STK31: variants seen among roughly 807,000 people sequenced by gnomAD.
STK31 encodes serine/threonine-protein kinase 31.
STK31 carries 89 observed loss-of-function variants against 129.7 expected under a neutral mutation model. The observed-to-expected ratio is 0.69, with a 90% CI of 0.58 to 0.82. STK31 has a LOEUF of 0.82. Ranked by LOEUF, STK31 falls within the 40% of genes least tolerant of loss-of-function variation. STK31 has a pLI of 0.00. For synonymous variants in STK31, 448 were observed against 395.3 expected (o/e 1.13, Z -1.58); for missense variants, 1,187 against 1,176.4 (o/e 1.01, Z -0.13).
rs1791306221 is a variant in STK31, at chr7:23,786,741, T to A, written c.2401-97T>A. On this transcript the variant is annotated intron_variant, in intron 19 of 23. Coordinates refer to ENST00000355870, the MANE Select transcript of STK31 (RefSeq NM_031414.5). ...TTTTAGAGCAGCAGTTCATTCCCCTTAACATAAAAGAAAAATTATCCCATA... is the reference window on the plus strand; with the variant it reads ...TTTTAGAGCAGCAGTTCATTCCCCTAAACATAAAAGAAAAATTATCCCATA... 6.5e-6 allele frequency: 10 copies of A among 1,544,578 alleles called. No individual in the cohort carries two copies. In the Admixed American group the frequency reaches 2.0e-4, roughly 30 times the overall value.
intron 8 of STK31, among the ~76,000 whole-genome samples, chr7:23,750,975 A>G (rs1217489033): frequency 6.6e-6 from 1 of 152,214 alleles, no homozygotes; most frequent in African/African-American, 2.4e-5. Flanking sequence ...TATCCCTTCT[A>G]TCTAACTGCG....
Position 23,787,977 on chromosome 7 carries a change from T to C in STK31, c.2488-3T>C, listed in dbSNP as rs1791401211. 6.5e-7 allele frequency: 1 copy of C among 1,548,456 alleles called. No homozygotes were observed. Among genetic ancestry groups the C allele is most frequent in the Non-Finnish European group, 8.7e-7 (1 of 1,150,972 alleles). On this transcript the variant is annotated splice_region_variant and splice_polypyrimidine_tract_variant and intron_variant, in intron 20 of 23. Coordinates refer to ENST00000355870, the MANE Select transcript of STK31 (RefSeq NM_031414.5). ...CACTTCTTTTATGTGTACTTATCTATAGGAAACTTTAAAGGTCATGAAAGG... is the reference window on the plus strand; with the variant it reads ...CACTTCTTTTATGTGTACTTATCTACAGGAAACTTTAAAGGTCATGAAAGG...
At chr7:23,798,999 C>A (rs1463451306) in intron 22 of STK31, among the ~76,000 whole-genome samples, 3 of 152,112 alleles carry the variant, frequency 2.0e-5, no homozygotes, top group Non-Finnish European at 4.4e-5. Flanking sequence ...ACAATTGCTA[C>A]AAAGAGAGTA....
intron 22 of STK31, among the ~76,000 whole-genome samples, chr7:23,810,741 AAATAG>A (rs1793057021): frequency 7.8e-6 from 1 of 128,946 alleles, no homozygotes; most frequent in African/African-American, 3.0e-5. Context: ...GATATATATA[AAATAG>A]ATATATATAA....
At chr7:23,789,510 T>C (rs141409570) in intron 21 of STK31, among the ~76,000 whole-genome samples, 43 of 152,250 alleles carry the variant, frequency 2.8e-4, no homozygotes, top group African/African-American at 9.1e-4. Context: ...CTGCAAGTCA[T>C]AGTGTAATGC....
chr7:23,725,795 A>G (rs1291113046), intron 4 of STK31: 1 of 152,244 alleles, frequency 6.6e-6, no homozygotes, highest in Non-Finnish European at 1.5e-5. Context: ...ATGTCTTCAG[A>G]CATTAAAATA....
chr7:23,745,008 G>A (rs748147201), intron 8 of STK31, among the ~76,000 whole-genome samples: 4 of 152,196 alleles, frequency 2.6e-5, no homozygotes, highest in African/African-American at 7.2e-5. Flanking sequence ...CAGTGGGCAC[G>A]ATGTGGGTGA....
chr7:23,786,279 G>C (rs1319694809), intron 18 of STK31, among the ~76,000 whole-genome samples: 3 of 151,694 alleles, frequency 2.0e-5, no homozygotes, highest in Non-Finnish European at 4.4e-5. Flanking sequence ...TAATTAATTT[G>C]GCCTTAGTTG....
chr7:23,769,496 G>C (rs1282887188), intron 12 of STK31, 144 bp from the exon 13 acceptor site: 2 of 564,482 alleles, frequency 3.5e-6, no homozygotes, highest in Non-Finnish European at 6.1e-6. Flanking sequence ...TAAATTTTAT[G>C]AGGGTAGGCA....
At chr7:23,758,496 T>C (rs1283120476) in intron 10 of STK31, among the ~76,000 whole-genome samples, 2 of 152,090 alleles carry the variant, frequency 1.3e-5, no homozygotes, top group African/African-American at 4.8e-5. Context: ...TGATCTTATT[T>C]CTTGTCTTCT....
chr7:23,729,285 A>G, intron 6 of STK31, 36 bp downstream of exon 6: 1 of 1,544,414 alleles, frequency 6.5e-7, no homozygotes, highest in East Asian at 2.3e-5. Flanking sequence ...TGCTAATGAA[A>G]GTAAAACTAT....
At chr7:23,738,740 G>A (rs914598301) in intron 8 of STK31, among the ~76,000 whole-genome samples, 4 of 152,054 alleles carry the variant, frequency 2.6e-5, no homozygotes, top group Non-Finnish European at 4.4e-5. Flanking sequence ...ATTTTTAGTA[G>A]AGACGGGGTT....
At chr7:23,726,874 TAAAA>T (rs997969401) in intron 4 of STK31, among the ~76,000 whole-genome samples, 1 of 151,972 alleles carries the variant, frequency 6.6e-6, no homozygotes, top group East Asian at 1.9e-4. Context: ...ATGTTTATGT[TAAAA>T]AAAATTGTAC....
intron 10 of STK31, among the ~76,000 whole-genome samples, chr7:23,760,757 A>G (rs1488275882): frequency 6.6e-6 from 1 of 152,084 alleles, no homozygotes; most frequent in Non-Finnish European, 1.5e-5. Context: ...CCTCCAGGGC[A>G]CAAGAGATTC....
chr7:23,732,008 A>G, intron 6 of STK31, among the ~76,000 whole-genome samples: 1 of 152,320 alleles, frequency 6.6e-6, no homozygotes. Flanking sequence ...GACCAGATTT[A>G]TTTTAAAAAG....
intron 22 of STK31, among the ~76,000 whole-genome samples, chr7:23,799,026 A>G (rs886601141): frequency 1.3e-5 from 2 of 152,232 alleles, no homozygotes; most frequent in African/African-American, 4.8e-5. Context: ...TTAGGAATAC[A>G]GCTAGCAAGG....
intron 8 of STK31, among the ~76,000 whole-genome samples, chr7:23,745,945 G>C (rs766477458): frequency 6.6e-6 from 1 of 152,254 alleles, no homozygotes; most frequent in South Asian, 2.1e-4. Context: ...GGGCCATCAA[G>C]ATGTATGGCT....
chr7:23,797,971 C>A lies in STK31; in HGVS notation c.2760+7025C>A, dbSNP rs566757402. Among the ~76,000 whole-genome samples, 23 of 152,284 alleles carry A rather than the reference C, an allele frequency of 1.5e-4. No homozygotes were observed. In the South Asian group the frequency reaches 4.1e-3, roughly 27 times the overall value. The stretch of plus-strand genomic sequence containing the variant: ...CTACCGTCACAGAATGCAATAAACA[C>A]CTCTATGCAAATCAACTAGAAAATC... On this transcript the variant is annotated intron_variant, in intron 22 of 23. Transcript: ENST00000355870.
At position 23,750,067 on chromosome 7, in the gene STK31, TC is replaced by T. The variant is rs1171568592; in HGVS notation, c.1018-2642del. 6.6e-5 allele frequency among the ~76,000 whole-genome samples: 6 copies of T among 90,554 alleles called. 1 individual carries two copies. Among genetic ancestry groups the T allele is most frequent in the East Asian group, 3.1e-4 (1 of 3,216 alleles). 59.4% of individuals were successfully genotyped at this position (90,554 alleles called of 152,430 possible). On this transcript the variant is annotated intron_variant, in intron 8 of 23. Coordinates refer to ENST00000355870, the MANE Select transcript of STK31 (RefSeq NM_031414.5). ...CTGGGATATTTCAGAATGGTTTGTT[TC>T]CCCCCCCGCCACTGCTGGAAACATG...
Sources: allele counts gnomAD v4.1 joint callset (sites outside exome capture counted in the v4.1 genomes callset), GRCh38; gene constraint gnomAD v4.1.1; transcripts MANE v1.5; gene names NCBI Gene and HGNC (gene_info 2026-07-23, HGNC 2026-07-21).